The following PIEZO2 variants were observed in gnomAD, a reference collection of about 807,000 sequenced individuals.
PIEZO2 encodes the protein piezo-type mechanosensitive ion channel component 2.
A neutral mutation model predicts 337.3 loss-of-function variants in PIEZO2; 172 were observed. The observed-to-expected ratio is 0.51, with a 90% CI of 0.45 to 0.58. The LOEUF (loss-of-function observed/expected upper bound fraction) is 0.58. PIEZO2 is among the 20% of genes least tolerant of loss of function. PIEZO2 has a pLI of 0.00. For missense variants in PIEZO2, 3,028 were observed against 3,391.3 expected, an observed-to-expected ratio of 0.89 and a Z score of 2.66; for synonymous variants, 1,251 against 1,228.5, an observed-to-expected ratio of 1.02 and a Z score of -0.38.
At position 10,980,850 on chromosome 18, in the gene PIEZO2, T is replaced by G. The variant is rs1027074410; in HGVS notation, c.161-1190A>C. Reference sequence around the variant, plus strand: ...TCAAATACAAATCTAGGCACTGCTGTGAGTTTACAGATGTCATGAAAGTCC... The same window carrying G: ...TCAAATACAAATCTAGGCACTGCTGGGAGTTTACAGATGTCATGAAAGTCC... On this transcript the variant is annotated intron_variant, in intron 2 of 55. Transcript: ENST00000674853. This position sits in a 1 kb window ranked among gnomAD's most constrained non-coding sequence, Gnocchi z 4.8. Among the ~76,000 whole-genome samples, 2 of 152,156 alleles carry G rather than the reference T, an allele frequency of 1.3e-5. No individual in the cohort carries two copies. Among genetic ancestry groups the G allele is most frequent in the Non-Finnish European group, 2.9e-5 (2 of 68,016 alleles).
intron 36 of PIEZO2, chr18:10,728,088 G>C (rs1598407039): frequency 6.6e-6 from 1 of 152,544 alleles, no homozygotes; most frequent in African/African-American, 2.4e-5. Context: ...GACTTGAAAA[G>C]AAAAAATCGC....
At chr18:10,739,492 A>T (rs1331243572) in intron 33 of PIEZO2, 4 of 152,210 alleles carry the variant, frequency 2.6e-5, no homozygotes, top group Non-Finnish European at 5.9e-5. Context: ...CCGCGGTGGG[A>T]ATTTACCCCA....
At chr18:10,842,971 T>C (rs535470867) in intron 7 of PIEZO2, among the ~76,000 whole-genome samples, 1 of 152,338 alleles carries the variant, frequency 6.6e-6, no homozygotes, top group African/African-American at 2.4e-5. Context: ...TAATCTCTTA[T>C]CCTTGAGTCA....
chr18:11,044,987 A>C (rs1159043405), intron 2 of PIEZO2, among the ~76,000 whole-genome samples: 1 of 151,916 alleles, frequency 6.6e-6, no homozygotes. Flanking sequence ...CATTTCTAAA[A>C]ATTTTTTTTA....
At chr18:10,758,972 C>A (rs2038005890) in intron 26 of PIEZO2, among the ~76,000 whole-genome samples, 1 of 152,120 alleles carries the variant, frequency 6.6e-6, no homozygotes. Flanking sequence ...TCTGTAAAAC[C>A]CAGCACTCTG....
intron 27 of PIEZO2, among the ~76,000 whole-genome samples, chr18:10,753,423 G>A (rs2037721327): frequency 6.6e-6 from 1 of 152,164 alleles, no homozygotes; most frequent in South Asian, 2.1e-4. Context: ...GATGAGTCAG[G>A]ATTCCCTTTT....
chr18:10,941,021 T>C (rs2032696806), intron 3 of PIEZO2, among the ~76,000 whole-genome samples: 1 of 152,184 alleles, frequency 6.6e-6, no homozygotes, highest in African/African-American at 2.4e-5. Context: ...CTTGCCTGGG[T>C]TTACTTACAG....
At chr18:11,014,190 ACC>A (rs1437738012) in intron 2 of PIEZO2, among the ~76,000 whole-genome samples, 1 of 151,582 alleles carries the variant, frequency 6.6e-6, no homozygotes, top group African/African-American at 2.4e-5. Context: ...CGGGCACGTC[ACC>A]CTGGGTGGGA....
chr18:10,822,777 T>C (rs749371130), intron 7 of PIEZO2, among the ~76,000 whole-genome samples: 28 of 152,172 alleles, frequency 1.8e-4, no homozygotes, highest in Non-Finnish European at 3.5e-4. Flanking sequence ...GAATGTCTAC[T>C]TGCCAAGTTT....
rs1238941896 is a variant in PIEZO2 at position 10,741,019 on chromosome 18, G to A, written c.4708+12C>T. 7.2e-6 allele frequency: 11 copies of A among 1,536,942 alleles called. No homozygotes were observed. In the East Asian group the frequency reaches 1.7e-4, roughly 24 times the overall value. ...GAGTCGATGAGGTTGTAAGGGGATC[G>A]AGAAAACCTACTGGAAGCATGATCA... is the stretch of plus-strand genomic sequence containing the variant. On this transcript the variant is annotated intron_variant, in intron 33 of 55. Coordinates refer to ENST00000674853, the MANE Select transcript of PIEZO2 (RefSeq NM_001378183.1).
intron 23 of PIEZO2, among the ~76,000 whole-genome samples, chr18:10,761,878 A>G (rs1280811228): frequency 1.3e-5 from 2 of 152,218 alleles, no homozygotes; most frequent in Non-Finnish European, 2.9e-5. Flanking sequence ...TGCTCAGATA[A>G]TCCACAAAAA....
intron 1 of PIEZO2, among the ~76,000 whole-genome samples, chr18:11,091,691 C>A (rs12970407): frequency 2.0e-5 from 3 of 152,060 alleles, no homozygotes; most frequent in Non-Finnish European, 4.4e-5. Context: ...GTCTGGCATA[C>A]GGCTTGTCCA....
intron 3 of PIEZO2, among the ~76,000 whole-genome samples, chr18:10,917,482 T>C (rs1212307662): frequency 6.6e-6 from 1 of 152,218 alleles, no homozygotes; most frequent in Non-Finnish European, 1.5e-5. Flanking sequence ...TCTTCATTGA[T>C]TACTTTTACC....
intron 4 of PIEZO2, among the ~76,000 whole-genome samples, chr18:10,884,414 C>A (rs1481541258): frequency 6.6e-6 from 1 of 152,200 alleles, no homozygotes; most frequent in Non-Finnish European, 1.5e-5. Context: ...CCTCCTCCAA[C>A]CCTAGTTATT....
chr18:10,940,656 G>A lies in PIEZO2; in HGVS notation c.287-29428C>T, dbSNP rs2032676204. ...AGGCGGGCGGCTCACAAGGCCAAGTGATTGAGACCATCCTAGCCAACATGG... is the reference window on the plus strand; with the variant it reads ...AGGCGGGCGGCTCACAAGGCCAAGTAATTGAGACCATCCTAGCCAACATGG... On this transcript the variant is annotated intron_variant, in intron 3 of 55. Coordinates refer to ENST00000674853, the MANE Select transcript of PIEZO2 (RefSeq NM_001378183.1). The surrounding 1 kb of genome is among the most constrained non-coding windows in gnomAD (Gnocchi z 5.3). Among the ~76,000 whole-genome samples the A allele has an allele frequency of 6.6e-6, 1 of 152,202 alleles. No homozygotes were observed. The highest frequency in any genetic ancestry group is 2.1e-4 in the South Asian group (1 of 4,824).
At position 10,815,592 on chromosome 18, in the gene PIEZO2, A is replaced by C. The variant is rs2040338286; in HGVS notation, c.918-8318T>G. ...GGTCACCAGATTTCTTATGTGATAGATATCAATTTCTTCCTTGTATAAAAG... is the reference window on the plus strand; with the variant it reads ...GGTCACCAGATTTCTTATGTGATAGCTATCAATTTCTTCCTTGTATAAAAG... On this transcript the variant is annotated intron_variant, in intron 7 of 55. Coordinates refer to ENST00000674853, the MANE Select transcript of PIEZO2 (RefSeq NM_001378183.1). This position sits in a 1 kb window ranked among gnomAD's most constrained non-coding sequence, Gnocchi z 4.1. Among the ~76,000 whole-genome samples, 1 of 152,190 alleles carries C rather than the reference A, an allele frequency of 6.6e-6. No homozygotes were observed. The highest frequency in any genetic ancestry group is 2.4e-5 in the African/African-American group (1 of 41,432).
rs2034576321 is a variant in PIEZO2, at chr18:10,979,364, A to T, written c.286+171T>A. Among the ~76,000 whole-genome samples, 2 of 152,182 alleles carry T rather than the reference A, an allele frequency of 1.3e-5. No homozygotes were observed. The highest frequency in any genetic ancestry group is 4.8e-5 in the African/African-American group (2 of 41,446). On this transcript the variant is annotated intron_variant, in intron 3 of 55. Transcript: ENST00000674853. The surrounding 1 kb of genome is among the most constrained non-coding windows in gnomAD (Gnocchi z 4.0). ...ATCTCATGATCCAATCTTCCATGGCAAAGCTTCTTTATATATATTTACACT... is the reference window on the plus strand; with the variant it reads ...ATCTCATGATCCAATCTTCCATGGCTAAGCTTCTTTATATATATTTACACT...
intron 30 of PIEZO2, among the ~76,000 whole-genome samples, chr18:10,747,526 T>G (rs2037471598): frequency 6.6e-6 from 1 of 152,224 alleles, no homozygotes; most frequent in African/African-American, 2.4e-5. Flanking sequence ...AGAAAATGAT[T>G]ATAACAATGA....
intron 3 of PIEZO2, among the ~76,000 whole-genome samples, chr18:10,975,715 T>C (rs1276218869): frequency 6.6e-6 from 1 of 152,194 alleles, no homozygotes; most frequent in Non-Finnish European, 1.5e-5. Context: ...CCGGGACCTT[T>C]TGCGATAATG....
Sources: allele counts gnomAD v4.1 joint callset (sites outside exome capture counted in the v4.1 genomes callset), GRCh38; gene constraint gnomAD v4.1.1; non-coding constraint Gnocchi (gnomAD v3.1); transcripts MANE v1.5; gene names NCBI Gene and HGNC (gene_info 2026-07-23, HGNC 2026-07-21).